PEX6: variants seen among roughly 807,000 people sequenced by gnomAD.
PEX6 encodes the protein peroxisome biogenesis factor 6.
In PEX6, 55 loss-of-function variants were observed where a neutral mutation model predicts 85.6. The ratio of observed to expected loss-of-function variants is 0.64; its 90% CI spans 0.52 to 0.80. The LOEUF (loss-of-function observed/expected upper bound fraction) is 0.80, where lower values mean the gene tolerates loss of function less well. Ranked by LOEUF, PEX6 falls within the 30% of genes least tolerant of loss-of-function variation. The pLI is 0.00. For synonymous variants in PEX6, 519 were observed against 549.1 expected (o/e 0.95, Z 0.77); for missense variants, 1,099 against 1,260.3 (o/e 0.87, Z 1.94).
chr6:42,978,202 T>G, intron 1 of PEX6, 67 bp downstream of exon 1: 1 of 1,573,732 alleles, frequency 6.4e-7, no homozygotes, highest in African/African-American at 1.3e-5. Flanking sequence ...AATCTTCCAA[T>G]TTACCTAAGA....
At position 42,966,858 on chromosome 6, in the gene PEX6, C is replaced by T. The variant is rs753408034; in HGVS notation, c.1885G>A (p.Gly629Ser). The change falls in exon 9 of 17, where the codon GGC (glycine) becomes AGC (serine). Residue 629 changes from glycine (G) to serine (S), a missense_variant and splice_region_variant. Physicochemically the swap from Gly to Ser is moderately conservative, Grantham distance 56. This residue lies in a region of PEX6 where 514 missense variants were observed against 627.0 expected (regional missense o/e 0.82). Transcript: ENST00000304611. Reference sequence around the variant, plus strand: ...GCATAGAGATCCCCTACCACAAAGCCCTAGGGAACCACAGGAAAGGACACA... The same window carrying T: ...GCATAGAGATCCCCTACCACAAAGCTCTAGGGAACCACAGGAAAGGACACA... ...NLAQLARRCA[G>S]FVVGDLYALL... 6.2e-7 allele frequency: 1 copy of T among 1,612,048 alleles called. No individual in the cohort carries two copies. The highest frequency in any genetic ancestry group is 1.1e-5 in the South Asian group (1 of 91,080).
chr6:42,975,649 A>G lies in PEX6; in HGVS notation c.883-611T>C, dbSNP rs530680403. ...CTGCATGTGCTATTGAGCACTTGAA[A>G]TGTGGCTAAAAACAAAACAAAAACA... On this transcript the variant is annotated intron_variant, in intron 1 of 16. Transcript: ENST00000304611. 5.3e-5 allele frequency among the ~76,000 whole-genome samples: 8 copies of G among 152,306 alleles called. No homozygotes were observed. The South Asian group carries it at 1.7e-3, about 32-fold the overall frequency.
chr6:42,965,450 C>T lies in PEX6; in HGVS notation c.2472-82G>A, dbSNP rs139250435. 1.4e-4 allele frequency: 153 copies of T among 1,086,562 alleles called. No individual in the cohort carries two copies. Among genetic ancestry groups the T allele is most frequent in the Non-Finnish European group, 2.0e-4 (140 of 702,318 alleles). The allele number at this position is 1,086,562 out of a possible 1,614,324, so 67.3% of individuals were successfully genotyped here. A position where few individuals can be genotyped will look rare whatever the true frequency, so the allele number is the denominator to read the frequency against. On this transcript the variant is annotated intron_variant, in intron 13 of 16. Transcript: ENST00000304611. The surrounding 1 kb of genome is among the most constrained non-coding windows in gnomAD (Gnocchi z 5.0). ...TGCCTGTGGTACCTCTCTTTACAGGCAGTCTCAACAGGGCCCTCCACTCAG... is the reference window on the plus strand; with the variant it reads ...TGCCTGTGGTACCTCTCTTTACAGGTAGTCTCAACAGGGCCCTCCACTCAG...
chr6:42,966,218 A>G, intron 11 of PEX6, 24 bp downstream of exon 11: 1 of 1,611,162 alleles, frequency 6.2e-7, no homozygotes, highest in Non-Finnish European at 8.5e-7. Context: ...TCCACCCACC[A>G]TCCCTTCCAG....
chr6:42,975,540 T>A (rs1770252255), intron 1 of PEX6, among the ~76,000 whole-genome samples: 1 of 152,286 alleles, frequency 6.6e-6, no homozygotes, highest in East Asian at 1.9e-4. Context: ...GTATTTCACA[T>A]GTATCTCTAC....
rs746259924 is a variant in PEX6, at chr6:42,968,411, G to A, written c.1567C>T (p.Pro523Ser). The A allele has an allele frequency of 1.2e-6, 2 of 1,613,856 alleles. No individual in the cohort carries two copies. Among genetic ancestry groups the A allele is most frequent in the Non-Finnish European group, 1.7e-6 (2 of 1,179,956 alleles). Residue 523 changes from proline (P) to serine (S), a missense_variant, in exon 7 of 17, where the codon CCT (proline) becomes TCT (serine). By Grantham distance (74) the Pro-to-Ser change is moderately conservative (BLOSUM62 -1). Coordinates refer to ENST00000304611, the MANE Select transcript of PEX6 (RefSeq NM_000287.4). ...ACAGCTGTGAGCAACAGGACTGCAG[G>A]CCGGCAACGGCGGGCCCGGGAGAAG... ...AIFSRARRCR[P>S]AVLLLTAVDL...
At chr6:42,972,435 C>T (rs988304497) in intron 3 of PEX6, among the ~76,000 whole-genome samples, 5 of 152,182 alleles carry the variant, frequency 3.3e-5, no homozygotes, top group Non-Finnish European at 7.4e-5. Context: ...TGCTCTATTT[C>T]TCATTCTCTG....
rs757281751 is a variant in PEX6 at position 42,978,397 on chromosome 6, A to T, written c.754T>A (p.Ser252Thr). Reference sequence around the variant, plus strand: ...CCAGAGCCGGGTCCCAGTCTATCAGAGAGGTCCCAGCGAGGTTCTAGGACC... The same window carrying T: ...CCAGAGCCGGGTCCCAGTCTATCAGTGAGGTCCCAGCGAGGTTCTAGGACC... ...VQVLEPRWDLSDRLGPGSGPL... is the reference protein window; with the variant it reads ...VQVLEPRWDLTDRLGPGSGPL... Residue 252 changes from serine to threonine, a missense_variant, in exon 1 of 17, where the codon TCT (serine) becomes ACT (threonine). By Grantham distance (58) the Ser-to-Thr change is moderately conservative (BLOSUM62 1). Around this residue, in one of 3 missense-constraint regions of PEX6, gnomAD observed 579 missense variants for 611.6 expected, o/e 0.95. Coordinates refer to ENST00000304611, the MANE Select transcript of PEX6 (RefSeq NM_000287.4). 2.5e-6 allele frequency: 4 copies of T among 1,614,186 alleles called. No homozygotes were observed. In the Admixed American group the frequency reaches 6.7e-5, roughly 27 times the overall value.
At chr6:42,976,662 CTT>C (rs537991333) in intron 1 of PEX6, among the ~76,000 whole-genome samples, 6 of 144,728 alleles carry the variant, frequency 4.1e-5, no homozygotes, top group Admixed American at 6.9e-5. Context: ...TGCGCCTGGC[CTT>C]TTTTTTTTTT....
At chr6:42,969,252 G>T (rs541923372) in intron 5 of PEX6, among the ~76,000 whole-genome samples, 62 of 152,288 alleles carry the variant, frequency 4.1e-4, no homozygotes, top group Non-Finnish European at 7.4e-4. Context: ...AAACCTCAAC[G>T]TTATGACTGG....
intron 3 of PEX6, among the ~76,000 whole-genome samples, chr6:42,973,112 A>G (rs1406131687): frequency 6.6e-6 from 1 of 152,114 alleles, no homozygotes; most frequent in Non-Finnish European, 1.5e-5. Flanking sequence ...CCCAGGTCCA[A>G]GTGATTCTCC....
At position 42,979,167 on chromosome 6, in the gene PEX6, C is replaced by A; in HGVS notation, c.-17G>T. The A allele has an allele frequency of 6.4e-7, 1 of 1,573,328 alleles. No individual in the cohort carries two copies. The highest frequency in any genetic ancestry group is 8.6e-7 in the Non-Finnish European group (1 of 1,168,234). On this transcript the variant is annotated 5_prime_UTR_variant, in exon 1 of 17. Transcript: ENST00000304611. Reference sequence around the variant, plus strand: ...CAGCGCCATGGTGACAGGACACCAACGAGGAGGGTGAAGGAGCGCAGCTTC... The same window carrying A: ...CAGCGCCATGGTGACAGGACACCAAAGAGGAGGGTGAAGGAGCGCAGCTTC...
chr6:42,967,932 G>GC (rs1191447923), intron 7 of PEX6, among the ~76,000 whole-genome samples: 5 of 146,180 alleles, frequency 3.4e-5, no homozygotes, highest in Middle Eastern at 3.6e-3. Context: ...AGGAGGGCTG[G>GC]CCCCCCCGCT....
chr6:42,967,907 G>T (rs2114243495), intron 7 of PEX6, among the ~76,000 whole-genome samples: 1 of 151,404 alleles, frequency 6.6e-6, no homozygotes, highest in South Asian at 2.1e-4. Flanking sequence ...AGGGAGGACT[G>T]AAAGGCTGAA....
chr6:42,964,593 G>A lies in PEX6; in HGVS notation c.2807-122C>T. On this transcript the variant is annotated intron_variant, in intron 16 of 16. Coordinates refer to ENST00000304611, the MANE Select transcript of PEX6 (RefSeq NM_000287.4). This position sits in a 1 kb window ranked among gnomAD's most constrained non-coding sequence, Gnocchi z 4.6. Reference sequence around the variant, plus strand: ...ATCTTCCCTCTGGAATCCAGGACTAGGTTTGTCTCCCACTAGTTTTTTTTT... The same window carrying A: ...ATCTTCCCTCTGGAATCCAGGACTAAGTTTGTCTCCCACTAGTTTTTTTTT... 4 of 1,367,262 alleles carry A rather than the reference G, an allele frequency of 2.9e-6. No individual in the cohort carries two copies. The highest frequency in any genetic ancestry group is 4.1e-6 in the Non-Finnish European group (4 of 972,198). 84.7% of individuals were successfully genotyped at this position (1,367,262 alleles called of 1,614,324 possible).
intron 3 of PEX6, among the ~76,000 whole-genome samples, chr6:42,972,105 G>C (rs1186622124): frequency 5.2e-5 from 2 of 38,188 alleles, no homozygotes; most frequent in Non-Finnish European, 8.2e-5. Flanking sequence ...GACCAGGGAT[G>C]AACATCAGGC....
chr6:42,972,760 A>T (rs1443154081), intron 3 of PEX6, among the ~76,000 whole-genome samples: 1 of 123,920 alleles, frequency 8.1e-6, no homozygotes, highest in East Asian at 2.2e-4. Context: ...ACAAAGCAAG[A>T]CTCTGTCTCA....
intron 5 of PEX6, 72 bp from the exon 6 acceptor site, chr6:42,969,057 C>A (rs1049525259): frequency 2.0e-6 from 2 of 1,024,698 alleles, no homozygotes; most frequent in South Asian, 1.3e-5. Context: ...ACACAAGATC[C>A]CTTAGATCTA....
At chr6:42,976,931 T>C (rs889946281) in intron 1 of PEX6, among the ~76,000 whole-genome samples, 1 of 152,146 alleles carries the variant, frequency 6.6e-6, no homozygotes, top group Non-Finnish European at 1.5e-5. Context: ...ACAGATTATG[T>C]AATCATAACA....
Sources: gnomAD v4.1 joint callset for allele counts (sites outside exome capture counted in the v4.1 genomes callset) on GRCh38, gnomAD v4.1.1 for gene constraint, gnomAD v4.1.1 regional missense constraint, Gnocchi (gnomAD v3.1) non-coding constraint, MANE v1.5 for transcripts, NCBI Gene and HGNC (gene_info 2026-07-23, HGNC 2026-07-21) for gene names.